The following CLVS1 variants were observed in gnomAD, a reference collection of about 807,000 sequenced individuals.
CLVS1 encodes the protein clavesin-1.
A neutral mutation model predicts 33.1 loss-of-function variants in CLVS1; 10 were observed. The ratio of observed to expected loss-of-function variants is 0.30; its 90% CI spans 0.19 to 0.51. CLVS1 has a LOEUF of 0.51. Among genes scored for constraint, CLVS1 ranks in the 20% least tolerant of loss-of-function variants. The pLI is 0.97. For missense variants in CLVS1, 343 were observed against 433.4 expected (o/e 0.79, Z 1.85); for synonymous variants, 163 against 166.1 (o/e 0.98, Z 0.14).
At chr8:61,476,610 G>A (rs904228124) in intron 5 of CLVS1, among the ~76,000 whole-genome samples, 6 of 152,108 alleles carry the variant, frequency 3.9e-5, no homozygotes, top group African/African-American at 1.4e-4. Flanking sequence ...TCTATTATTG[G>A]TATATAAGAA....
At chr8:61,061,860 G>A (rs898052151) in intron 1 of CLVS1, among the ~76,000 whole-genome samples, 2 of 151,886 alleles carry the variant, frequency 1.3e-5, no homozygotes, top group Admixed American at 1.3e-4. Flanking sequence ...TTGAGGTATA[G>A]CTCCATTCAG....
At chr8:61,070,786 G>A (rs6998208) in intron 1 of CLVS1, among the ~76,000 whole-genome samples, 19,222 of 152,252 alleles carry the variant, frequency 0.13, 1,525 homozygotes, top group African/African-American at 0.22. Context: ...GCTACAGTGA[G>A]CCATGATTGC....
chr8:61,114,396 C>T (rs1298349033), intron 1 of CLVS1, among the ~76,000 whole-genome samples: 7 of 152,176 alleles, frequency 4.6e-5, no homozygotes, highest in African/African-American at 1.7e-4. Flanking sequence ...AAATTTTGAG[C>T]TAGCTAGTCT....
At chr8:61,125,963 A>ATT (rs34518774) in intron 1 of CLVS1, among the ~76,000 whole-genome samples, 295 of 150,200 alleles carry the variant, frequency 2.0e-3, no homozygotes, top group African/African-American at 6.1e-3. Context: ...TTTTAAGGAC[A>ATT]TTTTTTTTTT....
chr8:61,094,060 G>A (rs190190875), intron 1 of CLVS1, among the ~76,000 whole-genome samples: 136 of 152,330 alleles, frequency 8.9e-4, no homozygotes, highest in Non-Finnish European at 1.5e-3. Context: ...ACAGCCAGGC[G>A]CTTGTTTGAG....
At chr8:61,433,441 T>C (rs1191752834) in intron 3 of CLVS1, among the ~76,000 whole-genome samples, 3 of 152,166 alleles carry the variant, frequency 2.0e-5, no homozygotes, top group South Asian at 2.1e-4. Context: ...GTCAGATTTG[T>C]TGTTGTTTGT....
At chr8:61,432,383 T>C (rs1220054303) in intron 3 of CLVS1, among the ~76,000 whole-genome samples, 4 of 152,184 alleles carry the variant, frequency 2.6e-5, no homozygotes, top group Non-Finnish European at 5.9e-5. Flanking sequence ...TATGTGGAGA[T>C]AGGGTCTTTA....
intron 2 of CLVS1, among the ~76,000 whole-genome samples, chr8:61,167,656 A>AATCCCAG (rs1236683642): frequency 6.6e-6 from 1 of 152,218 alleles, no homozygotes; most frequent in East Asian, 1.9e-4. Flanking sequence ...ACTGGGCTGC[A>AATCCCAG]ATCCCAGATG....
intron 1 of CLVS1, among the ~76,000 whole-genome samples, chr8:61,067,207 T>C (rs1804698884): frequency 6.6e-6 from 1 of 151,590 alleles, no homozygotes; most frequent in Non-Finnish European, 1.5e-5. Flanking sequence ...TTAGTTTGAA[T>C]ATCTTTTTGT....
chr8:61,261,975 CGTGTGTGTGTGTGTGTGTGTGTGTGT>C (rs57278209), intron 2 of CLVS1, among the ~76,000 whole-genome samples: 60 of 111,052 alleles, frequency 5.4e-4, no homozygotes, highest in African/African-American at 1.9e-3. Flanking sequence ...CTCATTGCTG[CGTGTGTGTGTGTGTGTGTGTGTGTGT>C]GTGTGTGTGT....
At chr8:61,190,949 C>G (rs13266623) in intron 2 of CLVS1, among the ~76,000 whole-genome samples, 4 of 151,924 alleles carry the variant, frequency 2.6e-5, no homozygotes, top group Admixed American at 6.6e-5. Flanking sequence ...AGAGGTACAA[C>G]GAAGAGCTGG....
intron 1 of CLVS1, among the ~76,000 whole-genome samples, chr8:61,111,915 T>C (rs1398162708): frequency 6.6e-6 from 1 of 152,220 alleles, no homozygotes; most frequent in African/African-American, 2.4e-5. Flanking sequence ...AGAAGATCTC[T>C]CCAATTCACA....
chr8:61,112,797 T>C (rs1421944374), intron 1 of CLVS1, among the ~76,000 whole-genome samples: 3 of 151,754 alleles, frequency 2.0e-5, no homozygotes, highest in African/African-American at 7.3e-5. Context: ...CTCTGTAGTT[T>C]CCTTTTTTTT....
At chr8:61,254,477 G>T (rs1031643463) in intron 2 of CLVS1, among the ~76,000 whole-genome samples, 5 of 152,186 alleles carry the variant, frequency 3.3e-5, no homozygotes, top group African/African-American at 7.2e-5. Flanking sequence ...GTCTGCAGAG[G>T]TTTCTGCTGC....
intron 1 of CLVS1, among the ~76,000 whole-genome samples, chr8:61,297,406 T>C (rs913648995): frequency 6.6e-6 from 1 of 151,918 alleles, no homozygotes; most frequent in Non-Finnish European, 1.5e-5. Context: ...ACTGGGAAAG[T>C]TTGAAAAATA....
intron 1 of CLVS1, among the ~76,000 whole-genome samples, chr8:61,084,807 A>C (rs190463188): frequency 1.3e-5 from 2 of 152,368 alleles, no homozygotes; most frequent in African/African-American, 4.8e-5. Context: ...CTGTCTCCCC[A>C]AAACCTAGTC....
intron 2 of CLVS1, among the ~76,000 whole-genome samples, chr8:61,342,884 A>C (rs977205116): frequency 1.3e-5 from 2 of 152,236 alleles, no homozygotes; most frequent in African/African-American, 4.8e-5. Flanking sequence ...AACAATATCC[A>C]AAAGAGGAGA....
intron 2 of CLVS1, among the ~76,000 whole-genome samples, chr8:61,168,464 T>C (rs1419104592): frequency 6.6e-6 from 1 of 152,092 alleles, no homozygotes; most frequent in Non-Finnish European, 1.5e-5. Flanking sequence ...AAACTTGCTA[T>C]GATTTATCTT....
intron 1 of CLVS1, among the ~76,000 whole-genome samples, chr8:61,065,250 A>G (rs1320201640): frequency 1.3e-5 from 2 of 152,266 alleles, no homozygotes; most frequent in African/African-American, 4.8e-5. Context: ...ACAATGTATT[A>G]GATAATGTAA....
Sources: allele counts gnomAD v4.1 joint callset (sites outside exome capture counted in the v4.1 genomes callset), GRCh38; gene constraint gnomAD v4.1.1; transcripts MANE v1.5; gene names NCBI Gene and HGNC (gene_info 2026-07-23, HGNC 2026-07-21).